Variants in SHISA9 observed in about 807,000 individuals in gnomAD.
SHISA9 encodes shisa family member 9.
SHISA9 carries 13 observed loss-of-function variants against 38.0 expected under a neutral mutation model. The observed-to-expected ratio is 0.34, with a 90% CI of 0.22 to 0.54. The LOEUF is 0.54. Ranked by LOEUF, SHISA9 falls within the 20% of genes least tolerant of loss-of-function variation. The pLI, the probability that SHISA9 is intolerant of heterozygous loss-of-function variation, is 0.91. For synonymous variants in SHISA9, 275 were observed against 242.0 expected (o/e 1.14, Z -1.27); for missense variants, 538 against 575.8 (o/e 0.93, Z 0.67).
intron 2 of SHISA9, among the ~76,000 whole-genome samples, chr16:13,166,518 C>G (rs960797406): frequency 6.6e-6 from 1 of 152,218 alleles, no homozygotes; most frequent in Non-Finnish European, 1.5e-5. Flanking sequence ...CCTCTGCACC[C>G]TCTCTCCCTT....
chr16:13,181,804 G>A (rs1459499048), intron 2 of SHISA9, among the ~76,000 whole-genome samples: 1 of 152,124 alleles, frequency 6.6e-6, no homozygotes, highest in Non-Finnish European at 1.5e-5. Flanking sequence ...TGTTTTGAAA[G>A]GAGAATCTGA....
At chr16:13,015,858 CTT>C (rs879889298) in intron 2 of SHISA9, among the ~76,000 whole-genome samples, 3 of 59,730 alleles carry the variant, frequency 5.0e-5, no homozygotes, top group African/African-American at 3.2e-4. Context: ...CTTTCCCTTT[CTT>C]TCTTTCTTTC....
the SHISA9 span, among the ~76,000 whole-genome samples, chr16:13,471,096 G>A: frequency 6.6e-6 from 1 of 152,048 alleles, no homozygotes; most frequent in Non-Finnish European, 1.5e-5. Context: ...TTGTCCTTCT[G>A]GAGGATAGAA....
At chr16:13,468,353 TCA>T in the SHISA9 span, among the ~76,000 whole-genome samples, 1 of 152,198 alleles carries the variant, frequency 6.6e-6, no homozygotes, top group South Asian at 2.1e-4. Flanking sequence ...CCTGACTTAC[TCA>T]GAGTCATACA....
the SHISA9 span, among the ~76,000 whole-genome samples, chr16:13,338,572 C>G: frequency 2.6e-5 from 4 of 152,088 alleles, no homozygotes; most frequent in African/African-American, 9.7e-5. Context: ...AGCATTCAGT[C>G]TTGGGATTTT....
intron 2 of SHISA9, among the ~76,000 whole-genome samples, chr16:13,195,012 C>T (rs771092340): frequency 6.6e-6 from 1 of 152,158 alleles, no homozygotes; most frequent in Non-Finnish European, 1.5e-5. Flanking sequence ...TCAATATAGA[C>T]ACGGATAGTT....
At chr16:13,383,494 C>A in the SHISA9 span, among the ~76,000 whole-genome samples, 1 of 152,050 alleles carries the variant, frequency 6.6e-6, no homozygotes, top group Non-Finnish European at 1.5e-5. Context: ...TGCTTATATG[C>A]GTGCATAGGT....
chr16:12,948,626 A>T (rs1358099283), intron 2 of SHISA9, among the ~76,000 whole-genome samples: 1 of 152,194 alleles, frequency 6.6e-6, no homozygotes, highest in African/African-American at 2.4e-5. Context: ...GTGTCCTCAC[A>T]TGGTGGAAGG....
intron 4 of SHISA9, among the ~76,000 whole-genome samples, chr16:13,222,220 G>C (rs2051233612): frequency 6.6e-6 from 1 of 152,068 alleles, no homozygotes; most frequent in Admixed American, 6.6e-5. Flanking sequence ...AAGACACTTG[G>C]GAATCATTAT....
chr16:13,411,911 A>C, the SHISA9 span, among the ~76,000 whole-genome samples: 1 of 152,218 alleles, frequency 6.6e-6, no homozygotes, highest in Non-Finnish European at 1.5e-5. Flanking sequence ...CCATCACAGC[A>C]TCCAAAACTC....
intron 2 of SHISA9, among the ~76,000 whole-genome samples, chr16:13,169,074 A>G (rs1299631880): frequency 1.3e-5 from 2 of 152,182 alleles, no homozygotes; most frequent in East Asian, 1.9e-4. Flanking sequence ...TCTGTATACA[A>G]TGACCCCTAC....
chr16:13,027,078 C>G (rs2072931678), intron 2 of SHISA9, among the ~76,000 whole-genome samples: 1 of 152,150 alleles, frequency 6.6e-6, no homozygotes, highest in African/African-American at 2.4e-5. Flanking sequence ...TGGGGTATAG[C>G]CCATTTACTG....
chr16:13,314,486 C>T, the SHISA9 span, among the ~76,000 whole-genome samples: 4 of 152,054 alleles, frequency 2.6e-5, no homozygotes, highest in East Asian at 3.9e-4. Flanking sequence ...GTGATCCTCC[C>T]ACCTCGGTCT....
intron 2 of SHISA9, among the ~76,000 whole-genome samples, chr16:13,023,868 T>C (rs2072888335): frequency 6.6e-6 from 1 of 152,214 alleles, no homozygotes; most frequent in Non-Finnish European, 1.5e-5. Flanking sequence ...GGTTAGGACA[T>C]GGTCATATCT....
intron 2 of SHISA9, among the ~76,000 whole-genome samples, chr16:13,185,102 T>C (rs1028702694): frequency 1.3e-5 from 2 of 152,230 alleles, no homozygotes; most frequent in Non-Finnish European, 2.9e-5. Context: ...GTCAGATTTG[T>C]GTTTTGGTTT....
chr16:12,999,327 G>T (rs1418469228), intron 2 of SHISA9, among the ~76,000 whole-genome samples: 1 of 152,178 alleles, frequency 6.6e-6, no homozygotes, highest in African/African-American at 2.4e-5. Context: ...CTGATACAAG[G>T]AGGCAGAGGG....
intron 2 of SHISA9, among the ~76,000 whole-genome samples, chr16:12,934,009 A>G (rs920760774): frequency 1.3e-5 from 2 of 152,166 alleles, no homozygotes; most frequent in Non-Finnish European, 2.9e-5. Context: ...GGAAGAACCA[A>G]TCTAGTGAAG....
At chr16:13,250,574 G>C in the SHISA9 span, among the ~76,000 whole-genome samples, 1 of 152,126 alleles carries the variant, frequency 6.6e-6, no homozygotes, top group Admixed American at 6.5e-5. Flanking sequence ...TGACGCTCTT[G>C]GTCAGGAACT....
At chr16:13,277,472 G>A in the SHISA9 span, among the ~76,000 whole-genome samples, 4 of 151,664 alleles carry the variant, frequency 2.6e-5, no homozygotes, top group African/African-American at 9.7e-5. Flanking sequence ...GTGGTATTTT[G>A]ATGAGGATTG....
Sources: allele counts gnomAD v4.1 joint callset (sites outside exome capture counted in the v4.1 genomes callset), GRCh38; gene constraint gnomAD v4.1.1; transcripts MANE v1.5; gene names NCBI Gene and HGNC (gene_info 2026-07-23, HGNC 2026-07-21).